DPYD: variants seen among roughly 807,000 people sequenced by gnomAD.
The protein encoded by DPYD is dihydropyrimidine dehydrogenase [NADP(+)].
Under a neutral mutation model 116.2 loss-of-function variants are expected in DPYD, and 109 were observed. The observed-to-expected ratio is 0.94, with a 90% confidence interval of 0.80 to 1.10. DPYD has a LOEUF of 1.10. Among genes scored for constraint, DPYD ranks in the 50% least tolerant of loss-of-function variants. The pLI is 0.00. For synonymous variants in DPYD, 440 were observed against 432.0 expected (o/e 1.02, Z -0.23); for missense variants, 1,302 against 1,254.5 (o/e 1.04, Z -0.57).
At chr1:97,788,007 A>G (rs534555119) in intron 3 of DPYD, among the ~76,000 whole-genome samples, 251 of 152,330 alleles carry the variant, frequency 1.6e-3, no homozygotes, top group African/African-American at 4.2e-3. Context: ...TTTATTTGTA[A>G]TAAGTGGCAG....
chr1:97,307,486 C>A (rs551966008), intron 16 of DPYD, among the ~76,000 whole-genome samples: 13 of 151,738 alleles, frequency 8.6e-5, no homozygotes, highest in Admixed American at 6.6e-5. Context: ...GTGTCTTGAT[C>A]CATCATCCTG....
At chr1:97,445,734 T>TC (rs1308420713) in intron 14 of DPYD, among the ~76,000 whole-genome samples, 1 of 151,468 alleles carries the variant, frequency 6.6e-6, no homozygotes, top group Non-Finnish European at 1.5e-5. Flanking sequence ...GATTTTTTTT[T>TC]TTTTTTTGGA....
rs79816651 is a variant in DPYD at position 97,916,081 on chromosome 1, T to C, written c.39+4803A>G. On this transcript the variant is annotated intron_variant, in intron 1 of 22. Transcript: ENST00000370192. The stretch of plus-strand genomic sequence containing the variant: ...AGTTTGGTAAGATGCTGTATTCAAA[T>C]AGTTAAAGAAAGGTATGATTGCTTA... Among the ~76,000 whole-genome samples the C allele has an allele frequency of 7.1e-3, 1,086 of 152,318 alleles. 26 individuals are homozygous for C. Among genetic ancestry groups the C allele is most frequent in the Admixed American group, 0.047 (726 of 15,298 alleles).
In DPYD at chr1:97,289,095, G is replaced by A. The variant is rs546758704; in HGVS notation, c.2299+16164C>T. ...TAAACTAGAAAATCTAGAAGAAATG[G>A]ATAAATTCCTTGACACATACACCCT... is the stretch of plus-strand genomic sequence containing the variant. On this transcript the variant is annotated intron_variant, in intron 18 of 22. Transcript: ENST00000370192. 4.1e-4 allele frequency among the ~76,000 whole-genome samples: 63 copies of A among 152,244 alleles called. 1 individual carries two copies. The highest frequency in any genetic ancestry group is 1.5e-3 in the African/African-American group (63 of 41,520).
intron 19 of DPYD, among the ~76,000 whole-genome samples, chr1:97,193,490 T>C (rs1658534469): frequency 1.3e-5 from 2 of 152,184 alleles, no homozygotes; most frequent in Non-Finnish European, 2.9e-5. Flanking sequence ...GTCACAGGTA[T>C]ATACATGTTC....
At chr1:97,382,241 C>A (rs1163770632) in intron 15 of DPYD, 152 bp downstream of exon 15, 1 of 461,498 alleles carries the variant, frequency 2.2e-6, no homozygotes, top group African/African-American at 2.0e-5. Flanking sequence ...AATGAAAACA[C>A]AGGGTAAACA....
chr1:97,514,935 C>G (rs1648103498), intron 13 of DPYD, among the ~76,000 whole-genome samples: 1 of 151,880 alleles, frequency 6.6e-6, no homozygotes, highest in Non-Finnish European at 1.5e-5. Flanking sequence ...TAATGATACT[C>G]TTTTCTTAGT....
upstream of DPYD, chr1:97,921,036 G>C (rs1280657608): frequency 7.3e-7 from 1 of 1,363,054 alleles, no homozygotes; most frequent in Non-Finnish European, 1.0e-6. Context: ...AGGCAGACTA[G>C]GGCCGGCGGC....
At chr1:97,227,744 C>T (rs1398319929) in intron 19 of DPYD, among the ~76,000 whole-genome samples, 1 of 150,438 alleles carries the variant, frequency 6.6e-6, no homozygotes, top group African/African-American at 2.5e-5. Context: ...TAATATGTGA[C>T]CACTGAAGGT....
intron 20 of DPYD, among the ~76,000 whole-genome samples, chr1:97,130,407 T>C (rs1276474007): frequency 6.6e-6 from 1 of 152,192 alleles, no homozygotes; most frequent in Non-Finnish European, 1.5e-5. Context: ...TTACCTCTTC[T>C]ATTGGTTTAT....
intron 8 of DPYD, among the ~76,000 whole-genome samples, chr1:97,619,066 T>C (rs1001123163): frequency 3.9e-5 from 6 of 152,190 alleles, no homozygotes; most frequent in African/African-American, 1.4e-4. Context: ...ATGGGGATAA[T>C]ATATCACACA....
chr1:97,769,875 T>G (rs72734030), intron 3 of DPYD, among the ~76,000 whole-genome samples: 17 of 152,252 alleles, frequency 1.1e-4, no homozygotes, highest in Non-Finnish European at 2.5e-4. Flanking sequence ...AACAAATCAG[T>G]GAACAAATGA....
chr1:97,106,475 A>G (rs1042007969), intron 20 of DPYD, among the ~76,000 whole-genome samples: 6 of 152,154 alleles, frequency 3.9e-5, no homozygotes, highest in Non-Finnish European at 7.4e-5. Context: ...AGAAAGGTGG[A>G]GGAAAGGCAA....
At position 97,128,507 on chromosome 1, in the gene DPYD, T is replaced by A. The variant is rs116524537; in HGVS notation, c.2623-29875A>T. 4.8e-3 allele frequency among the ~76,000 whole-genome samples: 730 copies of A among 152,362 alleles called. 6 individuals are homozygous for A. Among genetic ancestry groups the A allele is most frequent in the African/African-American group, 0.017 (701 of 41,600 alleles). ...CCTTTGCATTAGTTTTGCTTTAGTA[T>A]ACCCTTATAATACTTTCAAATATAT... is the stretch of plus-strand genomic sequence containing the variant. On this transcript the variant is annotated intron_variant, in intron 20 of 22. Coordinates refer to ENST00000370192, the MANE Select transcript of DPYD (RefSeq NM_000110.4).
chr1:97,736,396 G>A (rs897551044), intron 4 of DPYD, among the ~76,000 whole-genome samples: 1 of 150,738 alleles, frequency 6.6e-6, no homozygotes, highest in Non-Finnish European at 1.5e-5. Context: ...AATTAAGATA[G>A]TCTGGCAACA....
chr1:97,368,139 G>A (rs1392738404), intron 16 of DPYD, among the ~76,000 whole-genome samples: 12 of 151,986 alleles, frequency 7.9e-5, no homozygotes, highest in Admixed American at 2.6e-4. Context: ...GAGTAGCCAG[G>A]GCAATGCGTT....
At chr1:97,870,008 C>T (rs1461383794) in intron 2 of DPYD, among the ~76,000 whole-genome samples, 2 of 151,822 alleles carry the variant, frequency 1.3e-5, no homozygotes, top group Admixed American at 1.3e-4. Context: ...GGTTTTTCTT[C>T]CCCTACATAC....
intron 3 of DPYD, among the ~76,000 whole-genome samples, chr1:97,742,129 T>G (rs1407592172): frequency 6.6e-6 from 1 of 152,102 alleles, no homozygotes; most frequent in African/African-American, 2.4e-5. Context: ...CTGCCACATG[T>G]GTCAGAAAAA....
At chr1:97,579,231 C>CAGA (rs1653474135) in intron 10 of DPYD, among the ~76,000 whole-genome samples, 1 of 152,168 alleles carries the variant, frequency 6.6e-6, no homozygotes, top group Non-Finnish European at 1.5e-5. Flanking sequence ...CACAGCCCTA[C>CAGA]CTGTGTCTAT....
Sources: allele counts gnomAD v4.1 joint callset (sites outside exome capture counted in the v4.1 genomes callset), GRCh38; gene constraint gnomAD v4.1.1; transcripts MANE v1.5; gene names NCBI Gene and HGNC (gene_info 2026-07-23, HGNC 2026-07-21).